The following GABRD variants were observed in gnomAD, a reference collection of about 807,000 sequenced individuals.
The protein encoded by GABRD is gamma-aminobutyric acid type A receptor subunit delta.
Under a neutral mutation model 47.3 loss-of-function variants are expected in GABRD, and 25 were observed. That is an observed-to-expected ratio of 0.53 (90% CI 0.39 to 0.74). The LOEUF (loss-of-function observed/expected upper bound fraction) is 0.74, where lower values mean the gene tolerates loss of function less well. Ranked by LOEUF, GABRD falls within the 30% of genes least tolerant of loss-of-function variation. The probability of loss-of-function intolerance (pLI) is 0.00; values close to 1 mark genes in which losing one functional copy is unlikely to be tolerated. For missense variants in GABRD, 497 were observed against 643.4 expected (o/e 0.77, Z 2.46); for synonymous variants, 314 against 278.8 (o/e 1.13, Z -1.26).
chr1:2,028,998 C>G lies in GABRD; in HGVS notation c.692-113C>G. ...TGGTGGGGAGGGCAGGGGTCTAAGT[C>G]TCTCTTCTGAGCCCTGGTGGGCCCC... On this transcript the variant is annotated intron_variant, in intron 6 of 8. Coordinates refer to ENST00000378585, the MANE Select transcript of GABRD (RefSeq NM_000815.5). This position sits in a 1 kb window ranked among gnomAD's most constrained non-coding sequence, Gnocchi z 6.4. 1 of 1,353,428 alleles carries G rather than the reference C, an allele frequency of 7.4e-7. No individual in the cohort carries two copies. Among genetic ancestry groups the G allele is most frequent in the Non-Finnish European group, 1.0e-6 (1 of 999,154 alleles). 83.8% of individuals were successfully genotyped at this position (1,353,428 alleles called of 1,614,324 possible).
In GABRD at chr1:2,029,670, G is replaced by T; in HGVS notation, c.967G>T (p.Ala323Ser). The T allele has an allele frequency of 6.2e-7, 1 of 1,613,584 alleles. No individual in the cohort carries two copies. The highest frequency in any genetic ancestry group is 8.5e-7 in the Non-Finnish European group (1 of 1,180,018). Residue 323 changes from alanine to serine, a missense_variant, in exon 8 of 9, where the codon GCC (alanine) becomes TCC (serine). By Grantham distance (99) the Ala-to-Ser change is moderately conservative (BLOSUM62 1). Coordinates refer to ENST00000378585, the MANE Select transcript of GABRD (RefSeq NM_000815.5). ...CTGGATCTGCTATGTCTTCGTGTTT[G>T]CCGCCCTGGTGGAGTACGCCTTTGC... is the stretch of plus-strand genomic sequence containing the variant. ...YFWICYVFVF[A>S]ALVEYAFAHF...
intron 4 of GABRD, among the ~76,000 whole-genome samples, chr1:2,026,202 G>C (rs569874125): frequency 5.3e-4 from 80 of 152,288 alleles, no homozygotes; most frequent in African/African-American, 1.9e-3. Flanking sequence ...TGTCTCTGTG[G>C]GTCTGCCCAG....
intron 1 of GABRD, among the ~76,000 whole-genome samples, chr1:2,022,769 C>T (rs530960665): frequency 5.9e-5 from 9 of 152,368 alleles, no homozygotes; most frequent in East Asian, 3.9e-4. Flanking sequence ...CTGGGGGTCC[C>T]GTGGGCGCGG....
intron 4 of GABRD, 166 bp from the exon 5 acceptor site, chr1:2,027,411 G>A (rs1557446719): frequency 5.8e-6 from 4 of 684,310 alleles, no homozygotes; most frequent in Middle Eastern, 3.7e-4. Flanking sequence ...TGACGTCTAT[G>A]AAGTTGAGCA....
intron 1 of GABRD, among the ~76,000 whole-genome samples, chr1:2,021,595 G>A (rs1017954265): frequency 3.9e-5 from 6 of 152,132 alleles, no homozygotes; most frequent in Admixed American, 6.5e-5. Flanking sequence ...GCCGTGGGTC[G>A]GCCCGGAGTG....
At chr1:2,020,805 G>A (rs1310803872) in intron 1 of GABRD, among the ~76,000 whole-genome samples, 2 of 152,208 alleles carry the variant, frequency 1.3e-5, no homozygotes, top group African/African-American at 4.8e-5. Context: ...GCCCAAGTTC[G>A]ACACCAGAAT....
chr1:2,019,803 GC>G (rs1658725761), intron 1 of GABRD, among the ~76,000 whole-genome samples: 1 of 152,152 alleles, frequency 6.6e-6, no homozygotes, highest in African/African-American at 2.4e-5. Flanking sequence ...TCCGCGGCGC[GC>G]GTGGAGGGTC....
intron 1 of GABRD, among the ~76,000 whole-genome samples, chr1:2,020,810 C>T (rs1007748619): frequency 1.3e-5 from 2 of 152,224 alleles, no homozygotes; most frequent in Non-Finnish European, 2.9e-5. Context: ...AGTTCGACAC[C>T]AGAATTCAGT....
At chr1:2,025,920 C>G in intron 4 of GABRD, 182 bp downstream of exon 4, 2 of 608,510 alleles carry the variant, frequency 3.3e-6, no homozygotes, top group Non-Finnish European at 5.8e-6. Context: ...GGGGAAACAT[C>G]CGCTCCAAGG....
chr1:2,029,456 G>A (rs1659022677), intron 7 of GABRD, 95 bp from the exon 8 acceptor site: 6 of 1,527,958 alleles, frequency 3.9e-6, no homozygotes, highest in Middle Eastern at 2.3e-4. Flanking sequence ...GGGGTGGGGG[G>A]CAGCGGACCC....
Position 2,028,366 on chromosome 1 carries a change from G to A in GABRD, c.691+74G>A, listed in dbSNP as rs976259416. ...CGCGCGCCCACCGCCCCTTCCGCGC[G>A]CGCCCACCGCCCCTTCCGCGTGCGC... On this transcript the variant is annotated intron_variant, in intron 6 of 8. Coordinates refer to ENST00000378585, the MANE Select transcript of GABRD (RefSeq NM_000815.5). The surrounding 1 kb of genome is among the most constrained non-coding windows in gnomAD (Gnocchi z 6.4). The A allele has an allele frequency of 1.6e-5, 22 of 1,387,752 alleles. No individual in the cohort carries two copies. In the African/African-American group the frequency reaches 2.0e-4, roughly 12 times the overall value. The allele number at this position is 1,387,752 out of a possible 1,614,324, so 86.0% of individuals were successfully genotyped here.
At chr1:2,026,724 A>G (rs1658938532) in intron 4 of GABRD, 1 of 151,798 alleles carries the variant, frequency 6.6e-6, no homozygotes, top group African/African-American at 2.4e-5. Context: ...AGTCCCAGCT[A>G]CTCAAGAGGC....
intron 4 of GABRD, chr1:2,027,353 T>G (rs571202769): frequency 8.5e-6 from 5 of 590,184 alleles, no homozygotes; most frequent in African/African-American, 7.4e-5. Context: ...TCAAGCGTTT[T>G]GAAGAGAATG....
At chr1:2,020,174 G>A (rs1027775870) in intron 1 of GABRD, among the ~76,000 whole-genome samples, 3 of 152,224 alleles carry the variant, frequency 2.0e-5, no homozygotes, top group African/African-American at 7.2e-5. Context: ...GAGGCCCCCC[G>A]GGGCTGGAGC....
chr1:2,029,315 G>A, intron 7 of GABRD, 49 bp downstream of exon 7: 1 of 1,527,564 alleles, frequency 6.5e-7, no homozygotes, highest in Non-Finnish European at 8.8e-7. Flanking sequence ...GCGGCCCTGG[G>A]GAACAGGACT....
chr1:2,028,426 C>G lies in GABRD; in HGVS notation c.691+134C>G. ...GTTTTCATGCTTTTTAGTCAAGCGC[C>G]CGCAGGCCCCCAGGGCCTCTGGGGA... On this transcript the variant is annotated intron_variant, in intron 6 of 8. Coordinates refer to ENST00000378585, the MANE Select transcript of GABRD (RefSeq NM_000815.5). The surrounding 1 kb of genome is among the most constrained non-coding windows in gnomAD (Gnocchi z 6.4). 1 of 1,018,432 alleles carries G rather than the reference C, an allele frequency of 9.8e-7. No individual in the cohort carries two copies. Among genetic ancestry groups the G allele is most frequent in the South Asian group, 2.5e-5 (1 of 40,446 alleles). 63.1% of individuals were successfully genotyped at this position (1,018,432 alleles called of 1,614,324 possible).
Position 2,029,167 on chromosome 1 carries a change from T to C in GABRD, c.748T>C (p.Tyr250His), listed in dbSNP as rs1345198805. 5 of 1,554,382 alleles carry C rather than the reference T, an allele frequency of 3.2e-6. No homozygotes were observed. Among genetic ancestry groups the C allele is most frequent in the Non-Finnish European group, 4.3e-6 (5 of 1,151,006 alleles). Residue 250 changes from tyrosine to histidine, a missense_variant, in exon 7 of 9, where the codon TAC (tyrosine) becomes CAC (histidine). Around this residue, in one of 3 missense-constraint regions of GABRD, gnomAD observed 285 missense variants for 436.6 expected, o/e 0.65. Coordinates refer to ENST00000378585, the MANE Select transcript of GABRD (RefSeq NM_000815.5). ...HFHLRRNRGV[Y>H]IIQSYMPSVL... ...CCACCTGCGGAGGAACCGCGGCGTG[T>C]ACATCATCCAATCCTACATGCCCTC...
Position 2,029,976 on chromosome 1 carries a change from C to T in GABRD, c.1060-7C>T, listed in dbSNP as rs368961588. On this transcript the variant is annotated splice_region_variant and splice_polypyrimidine_tract_variant and intron_variant, in intron 8 of 8. Coordinates refer to ENST00000378585, the MANE Select transcript of GABRD (RefSeq NM_000815.5). ...CAGCCCTGTCTCCCCCACCGGCCTTCGTGCAGATGGACGTGAGGAACGCCA... is the reference window on the plus strand; with the variant it reads ...CAGCCCTGTCTCCCCCACCGGCCTTTGTGCAGATGGACGTGAGGAACGCCA... The T allele has an allele frequency of 5.8e-4, 943 of 1,612,156 alleles. 2 individuals are homozygous for T. Among genetic ancestry groups the T allele is most frequent in the Admixed American group, 1.4e-3 (85 of 59,908 alleles).
At chr1:2,022,507 C>T (rs907640728) in intron 1 of GABRD, 5 of 152,286 alleles carry the variant, frequency 3.3e-5, no homozygotes, top group African/African-American at 9.6e-5. Context: ...TTCGTGCCCC[C>T]CCACATGTGC....
Sources: allele counts gnomAD v4.1 joint callset (sites outside exome capture counted in the v4.1 genomes callset), GRCh38; gene constraint gnomAD v4.1.1; regional missense constraint gnomAD v4.1.1; non-coding constraint Gnocchi (gnomAD v3.1); transcripts MANE v1.5; gene names NCBI Gene and HGNC (gene_info 2026-07-23, HGNC 2026-07-21).